ARHGEF7: variants seen among roughly 807,000 people sequenced by gnomAD.
ARHGEF7 encodes the protein Rho guanine nucleotide exchange factor 7.
ARHGEF7 carries 33 observed loss-of-function variants against 109.8 expected under a neutral mutation model. The ratio of observed to expected loss-of-function variants is 0.30; its 90% CI spans 0.23 to 0.40. The LOEUF (loss-of-function observed/expected upper bound fraction) is 0.40. ARHGEF7 is among the 10% of genes least tolerant of loss of function. The pLI is 1.00. For synonymous variants in ARHGEF7, 458 were observed against 424.6 expected (o/e 1.08, Z -0.97); for missense variants, 938 against 1,098.5 (o/e 0.85, Z 2.07).
At chr13:111,296,443 G>A (rs1415708024) in intron 19 of ARHGEF7, among the ~76,000 whole-genome samples, 2 of 152,050 alleles carry the variant, frequency 1.3e-5, no homozygotes, top group Non-Finnish European at 2.9e-5. Context: ...GGATTTTTCA[G>A]CACTGGGCAG....
At chr13:111,295,406 C>A (rs978787917) in intron 19 of ARHGEF7, among the ~76,000 whole-genome samples, 1 of 152,224 alleles carries the variant, frequency 6.6e-6, no homozygotes, top group Non-Finnish European at 1.5e-5. Flanking sequence ...TTTCTTATTT[C>A]ATCTCTTTCC....
intron 1 of ARHGEF7, among the ~76,000 whole-genome samples, chr13:111,118,293 G>A (rs749867213): frequency 6.6e-5 from 10 of 152,340 alleles, no homozygotes; most frequent in South Asian, 2.1e-4. Context: ...GGACGTTCAC[G>A]GCGTGTCAGA....
At chr13:111,138,056 G>A (rs369677065) in intron 1 of ARHGEF7, among the ~76,000 whole-genome samples, 3 of 152,180 alleles carry the variant, frequency 2.0e-5, no homozygotes, top group African/African-American at 7.2e-5. Context: ...GCTCACGCCT[G>A]TAATCCCAGC....
chr13:111,221,574 C>CATATCTAT (rs200940230), intron 5 of ARHGEF7, among the ~76,000 whole-genome samples: 9,479 of 95,330 alleles, frequency 0.099, 821 homozygotes, highest in Non-Finnish European at 0.15. Flanking sequence ...TATATAGATA[C>CATATCTAT]ATATCTATAT....
chr13:111,182,933 T>G lies in ARHGEF7; in HGVS notation c.253-22356T>G, dbSNP rs1317300527. On this transcript the variant is annotated intron_variant, in intron 2 of 21. Transcript: ENST00000646102. ...CGCTGTGTTATAAAATATGCTCTTG[T>G]GTGAGATGATTTTGCCCAACTGTAA... Among the ~76,000 whole-genome samples, 2 of 152,240 alleles carry G rather than the reference T, an allele frequency of 1.3e-5. 1 individual carries two copies. Among genetic ancestry groups the G allele is most frequent in the Non-Finnish European group, 2.9e-5 (2 of 68,046 alleles).
At chr13:111,261,985 T>C (rs1481845836) in intron 8 of ARHGEF7, among the ~76,000 whole-genome samples, 1 of 152,188 alleles carries the variant, frequency 6.6e-6, no homozygotes, top group Non-Finnish European at 1.5e-5. Flanking sequence ...AGGAAGTTTG[T>C]AGCTGTAAGC....
At chr13:111,252,522 C>A (rs1336702287) in intron 8 of ARHGEF7, among the ~76,000 whole-genome samples, 12 of 152,176 alleles carry the variant, frequency 7.9e-5, no homozygotes, top group Non-Finnish European at 4.4e-5. Context: ...AAGAAGTTAT[C>A]CCAGAAGAGA....
At chr13:111,229,761 C>G (rs2085770970) in intron 5 of ARHGEF7, among the ~76,000 whole-genome samples, 1 of 152,112 alleles carries the variant, frequency 6.6e-6, no homozygotes, top group African/African-American at 2.4e-5. Context: ...TTCCCGGAGA[C>G]TTTTTTGTCC....
chr13:111,150,205 T>C (rs73633249), intron 1 of ARHGEF7, among the ~76,000 whole-genome samples: 1,814 of 152,338 alleles, frequency 0.012, 36 homozygotes, highest in African/African-American at 0.042. Flanking sequence ...AAGGGATAAA[T>C]GCAGTGGAAG....
rs954992079 is a variant in ARHGEF7, at chr13:111,258,460, A to C, written c.951-9088A>C. ...GGCAGAACCCTGAGGCTCCCGGACG[A>C]CATTTATAGACATACCTTGGACCAA... On this transcript the variant is annotated intron_variant, in intron 8 of 21. Coordinates refer to ENST00000646102, the MANE Select transcript of ARHGEF7 (RefSeq NM_001354046.2). The surrounding 1 kb of genome is among the most constrained non-coding windows in gnomAD (Gnocchi z 4.4). 2.9e-4 allele frequency among the ~76,000 whole-genome samples: 44 copies of C among 152,216 alleles called. No individual in the cohort carries two copies. Among genetic ancestry groups the C allele is most frequent in the Admixed American group, 1.3e-4 (2 of 15,286 alleles).
chr13:111,297,805 T>C (rs2093460243), intron 19 of ARHGEF7, among the ~76,000 whole-genome samples: 1 of 152,256 alleles, frequency 6.6e-6, no homozygotes, highest in Non-Finnish European at 1.5e-5. Context: ...TGATCCTATT[T>C]TATGTCATTC....
rs545409536 is a variant in ARHGEF7, at chr13:111,118,176, C to T, written c.165+2485C>T. On this transcript the variant is annotated intron_variant, in intron 1 of 21. Coordinates refer to ENST00000646102, the MANE Select transcript of ARHGEF7 (RefSeq NM_001354046.2). ...AGAACTAAAACGTGGCTGGGTGCCT[C>T]GGGCTTCCCATATGTCTTTTATTAA... Among the ~76,000 whole-genome samples, 41 of 152,350 alleles carry T rather than the reference C, an allele frequency of 2.7e-4. No homozygotes were observed. The South Asian group carries it at 7.5e-3, about 28-fold the overall frequency.
In ARHGEF7 at chr13:111,227,125, G is replaced by A. The variant is rs138150463; in HGVS notation, c.671-6080G>A. Among the ~76,000 whole-genome samples, 4 of 152,306 alleles carry A rather than the reference G, an allele frequency of 2.6e-5. No homozygotes were observed. The East Asian group carries it at 7.7e-4, about 29-fold the overall frequency. ...CTCCTTATGGCTGAGCAAAGAATGT[G>A]GTTTCTTGAAATAGAATCTACCCTT... On this transcript the variant is annotated intron_variant, in intron 5 of 21. Transcript: ENST00000646102.
chr13:111,244,300 T>A lies in ARHGEF7; in HGVS notation c.950+6T>A. The A allele has an allele frequency of 1.3e-6, 2 of 1,562,774 alleles. No individual in the cohort carries two copies. The highest frequency in any genetic ancestry group is 8.7e-7 in the Non-Finnish European group (1 of 1,149,216). The stretch of plus-strand genomic sequence containing the variant: ...TCTTTAGAAGAATGCACCAAGTAAG[T>A]AAGATGCTAAAAATTTGCAACACTC... On this transcript the variant is annotated splice_donor_region_variant and intron_variant, in intron 8 of 21. Coordinates refer to ENST00000646102, the MANE Select transcript of ARHGEF7 (RefSeq NM_001354046.2).
At chr13:111,260,948 TG>T (rs2091026102) in intron 8 of ARHGEF7, among the ~76,000 whole-genome samples, 1 of 152,164 alleles carries the variant, frequency 6.6e-6, no homozygotes, top group South Asian at 2.1e-4. Context: ...TTTTATTATT[TG>T]GAAGTCCATG....
At chr13:111,246,418 A>C in intron 8 of ARHGEF7, among the ~76,000 whole-genome samples, 1 of 152,200 alleles carries the variant, frequency 6.6e-6, no homozygotes, top group East Asian at 1.9e-4. Flanking sequence ...CTTGCAGTTC[A>C]TGACAGTTTA....
intron 2 of ARHGEF7, among the ~76,000 whole-genome samples, chr13:111,184,045 C>A (rs971413927): frequency 6.6e-6 from 1 of 151,984 alleles, no homozygotes; most frequent in African/African-American, 2.4e-5. Flanking sequence ...TATAATAATC[C>A]CCACCTGTCA....
intron 1 of ARHGEF7, among the ~76,000 whole-genome samples, chr13:111,137,475 C>T (rs910052350): frequency 6.6e-6 from 1 of 152,192 alleles, no homozygotes; most frequent in African/African-American, 2.4e-5. Flanking sequence ...CTTGGTGTGC[C>T]CTCCCCATCC....
chr13:111,286,332 C>T, intron 17 of ARHGEF7, 92 bp downstream of exon 17: 1 of 1,032,808 alleles, frequency 9.7e-7, no homozygotes, highest in South Asian at 1.3e-5. Flanking sequence ...TGGTGGCTTT[C>T]TGAAGACTCC....
Sources: allele counts gnomAD v4.1 joint callset (sites outside exome capture counted in the v4.1 genomes callset), GRCh38; gene constraint gnomAD v4.1.1; non-coding constraint Gnocchi (gnomAD v3.1); transcripts MANE v1.5; gene names NCBI Gene and HGNC (gene_info 2026-07-23, HGNC 2026-07-21).